Variants in SUGCT observed in about 807,000 individuals in gnomAD.
SUGCT encodes the protein succinyl-CoA:glutarate CoA-transferase.
Under a neutral mutation model 55.0 loss-of-function variants are expected in SUGCT, and 41 were observed. That is an observed-to-expected ratio of 0.74 (90% CI 0.58 to 0.97). SUGCT has a LOEUF of 0.97. Among genes scored for constraint, SUGCT ranks in the 50% least tolerant of loss-of-function variants. The pLI is 0.00. For missense variants in SUGCT, 568 were observed against 547.8 expected (o/e 1.04, Z -0.37); for synonymous variants, 187 against 200.4 (o/e 0.93, Z 0.56).
Position 40,312,635 on chromosome 7 carries a change from G to A in SUGCT, c.721-4125G>A, listed in dbSNP as rs532360609. Among the ~76,000 whole-genome samples the A allele has an allele frequency of 8.9e-4, 135 of 152,312 alleles. 3 individuals are homozygous for A. Among genetic ancestry groups the A allele is most frequent in the Non-Finnish European group, 9.1e-4 (62 of 68,036 alleles). On this transcript the variant is annotated intron_variant, in intron 8 of 13. Transcript: ENST00000335693. ...TTGTAGTACAAGGAAGACTGTGAAA[G>A]TGCAGTAGAAATCAGATAAATTAAG...
intron 13 of SUGCT, among the ~76,000 whole-genome samples, chr7:40,786,464 G>A (rs1418521154): frequency 2.6e-5 from 4 of 152,238 alleles, no homozygotes; most frequent in South Asian, 2.1e-4. Context: ...TGGCAATCAC[G>A]TCTGATTTCA....
the SUGCT span, among the ~76,000 whole-genome samples, chr7:40,918,047 A>C: frequency 6.6e-6 from 1 of 152,192 alleles, no homozygotes; most frequent in African/African-American, 2.4e-5. Flanking sequence ...CAGTTAGAGG[A>C]TCACTACATG....
chr7:40,695,166 TTTTTA>T lies in SUGCT; in HGVS notation c.1090-54264_1090-54260del, dbSNP rs1338195654. 7.6e-5 allele frequency among the ~76,000 whole-genome samples: 11 copies of T among 144,702 alleles called. No homozygotes were observed. The East Asian group carries it at 8.4e-4, about 11-fold the overall frequency. 94.9% of individuals were successfully genotyped at this position (144,702 alleles called of 152,430 possible). A position where few individuals can be genotyped will look rare whatever the true frequency, so the allele number is the denominator to read the frequency against. ...TTAATGTTATCTACCTAAACCCTTA[TTTTTA>T]TTTATTTATTTATTTATTTATTTAT... On this transcript the variant is annotated intron_variant, in intron 12 of 13. Transcript: ENST00000335693.
At chr7:40,419,710 C>A (rs554585584) in intron 9 of SUGCT, among the ~76,000 whole-genome samples, 10 of 152,130 alleles carry the variant, frequency 6.6e-5, no homozygotes, top group African/African-American at 2.4e-4. Context: ...GGGATGAGAT[C>A]CCAGAGATAG....
chr7:40,606,945 T>C (rs1159026799), intron 12 of SUGCT, among the ~76,000 whole-genome samples: 1 of 152,198 alleles, frequency 6.6e-6, no homozygotes, highest in East Asian at 1.9e-4. Flanking sequence ...ATCCTTTTTA[T>C]GTATTCATAT....
intron 13 of SUGCT, among the ~76,000 whole-genome samples, chr7:40,851,039 T>A (rs1793825654): frequency 6.6e-6 from 1 of 152,186 alleles, no homozygotes. Context: ...TATACCAGTG[T>A]CATGCCCATT....
intron 12 of SUGCT, among the ~76,000 whole-genome samples, chr7:40,512,654 T>A (rs539012646): frequency 6.6e-6 from 1 of 150,706 alleles, no homozygotes; most frequent in African/African-American, 2.4e-5. Context: ...ATGATGGAAA[T>A]TTTTTTTTTA....
chr7:40,245,938 G>A (rs920346065), intron 7 of SUGCT, among the ~76,000 whole-genome samples: 1 of 152,106 alleles, frequency 6.6e-6, no homozygotes, highest in South Asian at 2.1e-4. Context: ...GGGCTGAATC[G>A]ATCCTCCCAT....
intron 12 of SUGCT, among the ~76,000 whole-genome samples, chr7:40,737,212 A>G (rs1488562624): frequency 6.6e-6 from 1 of 152,154 alleles, no homozygotes; most frequent in East Asian, 1.9e-4. Flanking sequence ...GAATCACACT[A>G]CATTCCTTTG....
intron 9 of SUGCT, among the ~76,000 whole-genome samples, chr7:40,445,625 G>T (rs1177285003): frequency 6.6e-6 from 1 of 152,018 alleles, no homozygotes; most frequent in Non-Finnish European, 1.5e-5. Flanking sequence ...GAAAAAGAGG[G>T]AATCCTCCCT....
At chr7:40,956,201 T>C in the SUGCT span, among the ~76,000 whole-genome samples, 15 of 152,224 alleles carry the variant, frequency 9.9e-5, no homozygotes, top group African/African-American at 3.6e-4. Context: ...CTAGAAGGAA[T>C]GGTACCAGCT....
At chr7:40,888,101 GC>G in the SUGCT span, among the ~76,000 whole-genome samples, 1 of 152,118 alleles carries the variant, frequency 6.6e-6, no homozygotes, top group African/African-American at 2.4e-5. Context: ...AGGCATCCAT[GC>G]CCTCATTTTG....
chr7:40,570,800 G>A (rs139686462), intron 12 of SUGCT, among the ~76,000 whole-genome samples: 204 of 149,156 alleles, frequency 1.4e-3, no homozygotes, highest in African/African-American at 4.9e-3. Context: ...GAGTAAAACA[G>A]CGATGAGTTT....
At chr7:40,333,860 G>T (rs190912686) in intron 9 of SUGCT, among the ~76,000 whole-genome samples, 1 of 149,786 alleles carries the variant, frequency 6.7e-6, no homozygotes, top group Non-Finnish European at 1.5e-5. Context: ...CCATTAACTC[G>T]TCATTTACAT....
intron 13 of SUGCT, among the ~76,000 whole-genome samples, chr7:40,770,083 C>G (rs1296110687): frequency 6.6e-6 from 1 of 152,120 alleles, no homozygotes; most frequent in Admixed American, 6.5e-5. Flanking sequence ...TGATACTTTT[C>G]CATCTACTTC....
At chr7:40,842,938 G>A (rs900706888) in intron 13 of SUGCT, among the ~76,000 whole-genome samples, 4 of 152,166 alleles carry the variant, frequency 2.6e-5, no homozygotes, top group African/African-American at 4.8e-5. Flanking sequence ...CTTGCTTTTA[G>A]ATCTGTTTGA....
At chr7:40,792,588 A>G (rs1387491153) in intron 13 of SUGCT, among the ~76,000 whole-genome samples, 6 of 152,132 alleles carry the variant, frequency 3.9e-5, no homozygotes, top group African/African-American at 1.4e-4. Context: ...TCCATGTGAC[A>G]ATGGTTTCTG....
At chr7:40,346,912 C>A (rs147314851) in intron 9 of SUGCT, among the ~76,000 whole-genome samples, 1 of 152,154 alleles carries the variant, frequency 6.6e-6, no homozygotes, top group Non-Finnish European at 1.5e-5. Flanking sequence ...ACGCGATTCT[C>A]GGACTTGAAC....
At chr7:40,602,375 G>C (rs1798337658) in intron 12 of SUGCT, among the ~76,000 whole-genome samples, 1 of 152,184 alleles carries the variant, frequency 6.6e-6, no homozygotes, top group Non-Finnish European at 1.5e-5. Flanking sequence ...CTTCTGGTGA[G>C]CAAACACAGC....
Sources: allele counts gnomAD v4.1 joint callset (sites outside exome capture counted in the v4.1 genomes callset), GRCh38; gene constraint gnomAD v4.1.1; transcripts MANE v1.5; gene names NCBI Gene and HGNC (gene_info 2026-07-23, HGNC 2026-07-21).